The following TRPS1 variants were observed in gnomAD, a reference collection of about 807,000 sequenced individuals.
TRPS1 encodes the protein zinc finger transcription factor Trps1.
A neutral mutation model predicts 101.2 loss-of-function variants in TRPS1; 6 were observed. That is an observed-to-expected ratio of 0.06 (90% confidence interval 0.03 to 0.12). The LOEUF is 0.12. TRPS1 is among the 10% of genes least tolerant of loss of function. TRPS1 has a pLI of 1.00. For missense variants in TRPS1, 1,363 were observed against 1,567.0 expected (o/e 0.87, Z 2.20); for synonymous variants, 578 against 589.8 (o/e 0.98, Z 0.29).
rs553752022 is a variant in TRPS1, at chr8:115,626,453, A to AC, written c.-121-2696dup. Among the ~76,000 whole-genome samples the AC allele has an allele frequency of 3.7e-3, 568 of 151,958 alleles. 3 individuals carry two copies. Among genetic ancestry groups the AC allele is most frequent in the Non-Finnish European group, 5.7e-3 (387 of 67,754 alleles). ...CTATTTCTTCAGATTCCAAGGCAAT[A>AC]CTTCAATGGTAGATCGCTTTTTTTA... is the stretch of plus-strand genomic sequence containing the variant. On this transcript the variant is annotated intron_variant, in intron 1 of 6. Coordinates refer to ENST00000395715, the MANE Select transcript of TRPS1 (RefSeq NM_014112.5).
rs77161795 is a variant in TRPS1, at chr8:115,436,801, A to C, written c.2701-18349T>G. Reference sequence around the variant, plus strand: ...TCCCAGTTTGAGTAACAAGAATGTAAGGCACACAATTTGGCTTTGAATCTA... The same window carrying C: ...TCCCAGTTTGAGTAACAAGAATGTACGGCACACAATTTGGCTTTGAATCTA... On this transcript the variant is annotated intron_variant, in intron 5 of 6. Transcript: ENST00000395715. 5.1e-4 allele frequency among the ~76,000 whole-genome samples: 77 copies of C among 152,318 alleles called. 1 individual carries two copies. The East Asian group carries it at 0.012, about 24-fold the overall frequency.
At chr8:115,526,140 T>A (rs1223467710) in intron 5 of TRPS1, among the ~76,000 whole-genome samples, 3 of 151,848 alleles carry the variant, frequency 2.0e-5, no homozygotes, top group Non-Finnish European at 2.9e-5. Context: ...GAAACCCCAT[T>A]TCTACTAAAA....
chr8:115,568,010 C>T (rs1817110144), intron 5 of TRPS1, among the ~76,000 whole-genome samples: 1 of 152,082 alleles, frequency 6.6e-6, no homozygotes, highest in Admixed American at 6.6e-5. Flanking sequence ...CTTTTCTATA[C>T]CTTAGTGCCA....
intron 5 of TRPS1, among the ~76,000 whole-genome samples, chr8:115,554,943 A>G (rs1003053061): frequency 2.0e-5 from 3 of 152,092 alleles, no homozygotes; most frequent in Admixed American, 2.0e-4. Context: ...TTTGACAATG[A>G]GCATGAATGG....
At position 115,489,844 on chromosome 8, in the gene TRPS1, C is replaced by T. The variant is rs547640925; in HGVS notation, c.2701-71392G>A. ...TAAATAATATCTTACCATTTTTAAA[C>T]GGTAAAATTGCAATATTCAAATATG... is the stretch of plus-strand genomic sequence containing the variant. On this transcript the variant is annotated intron_variant, in intron 5 of 6. Transcript: ENST00000395715. Among the ~76,000 whole-genome samples the T allele has an allele frequency of 6.6e-5, 10 of 152,026 alleles. No homozygotes were observed. In the East Asian group the frequency reaches 9.6e-4, roughly 15 times the overall value.
chr8:115,647,931 A>G (rs1811457028), intron 1 of TRPS1, among the ~76,000 whole-genome samples: 1 of 151,802 alleles, frequency 6.6e-6, no homozygotes, highest in African/African-American at 2.4e-5. Flanking sequence ...TGACTTTTTG[A>G]TAGCCAGAGA....
intron 5 of TRPS1, among the ~76,000 whole-genome samples, chr8:115,563,292 C>T (rs1816991277): frequency 6.6e-6 from 1 of 152,032 alleles, no homozygotes; most frequent in Middle Eastern, 3.4e-3. Flanking sequence ...TCTTATTCAC[C>T]ACTTAGGGCA....
At chr8:115,623,826 C>T in intron 1 of TRPS1, 68 bp from the exon 2 acceptor site, 13 of 1,347,902 alleles carry the variant, frequency 9.6e-6, no homozygotes, top group Non-Finnish European at 1.3e-5. Flanking sequence ...TGTATCACAC[C>T]TAAAATATAT....
intron 5 of TRPS1, among the ~76,000 whole-genome samples, chr8:115,427,264 G>A (rs1298623441): frequency 6.6e-6 from 1 of 152,056 alleles, no homozygotes; most frequent in African/African-American, 2.4e-5. Context: ...GCAACAGAGC[G>A]AGACACTGTC....
intron 1 of TRPS1, among the ~76,000 whole-genome samples, chr8:115,631,107 C>T (rs551627475): frequency 1.1e-4 from 17 of 152,106 alleles, no homozygotes; most frequent in Admixed American, 1.3e-4. Context: ...TACCAAACTA[C>T]ATGCCTCTAA....
intron 5 of TRPS1, among the ~76,000 whole-genome samples, chr8:115,535,395 C>T (rs1480342106): frequency 1.4e-5 from 2 of 144,698 alleles, no homozygotes; most frequent in South Asian, 2.2e-4. Context: ...ACATATATAG[C>T]GCATATATAT....
At chr8:115,470,765 G>T (rs1036534379) in intron 5 of TRPS1, among the ~76,000 whole-genome samples, 1 of 152,098 alleles carries the variant, frequency 6.6e-6, no homozygotes, top group African/African-American at 2.4e-5. Flanking sequence ...ACATATCAAT[G>T]ATTCATATTC....
intron 1 of TRPS1, among the ~76,000 whole-genome samples, chr8:115,627,558 G>A (rs1454046258): frequency 6.6e-6 from 1 of 151,744 alleles, no homozygotes; most frequent in East Asian, 1.9e-4. Flanking sequence ...GTTATGATGT[G>A]AATTGACATT....
At chr8:115,645,462 G>T (rs1460790455) in intron 1 of TRPS1, among the ~76,000 whole-genome samples, 1 of 152,100 alleles carries the variant, frequency 6.6e-6, no homozygotes, top group Non-Finnish European at 1.5e-5. Context: ...AAAATATCCA[G>T]TGAGAACCAC....
intron 5 of TRPS1, among the ~76,000 whole-genome samples, chr8:115,586,046 G>A (rs186266816): frequency 1.3e-5 from 2 of 152,266 alleles, no homozygotes; most frequent in East Asian, 3.9e-4. Flanking sequence ...TCTATGACCC[G>A]CAGGTCAAAG....
intron 5 of TRPS1, chr8:115,515,429 G>T: frequency 3.5e-6 from 2 of 567,680 alleles, no homozygotes; most frequent in South Asian, 4.6e-5. Flanking sequence ...TTTTTCCTAT[G>T]ATTTTAAATG....
At chr8:115,560,650 T>C (rs1217722125) in intron 5 of TRPS1, among the ~76,000 whole-genome samples, 4 of 152,132 alleles carry the variant, frequency 2.6e-5, no homozygotes, top group African/African-American at 7.2e-5. Flanking sequence ...TTTACTTTTA[T>C]CAACTCTGGG....
rs1813489877 is a variant in TRPS1, at chr8:115,437,657, AG to A, written c.2701-19206del. ...AGGCTGAATGTCTACACGAACAAGA[AG>A]GAAGTTTTTGCCATCTTTTATATGA... On this transcript the variant is annotated intron_variant, in intron 5 of 6. Coordinates refer to ENST00000395715, the MANE Select transcript of TRPS1 (RefSeq NM_014112.5). Among the ~76,000 whole-genome samples the A allele has an allele frequency of 3.3e-5, 5 of 152,364 alleles. No individual in the cohort carries two copies. In the South Asian group the frequency reaches 1.0e-3, roughly 32 times the overall value.
At chr8:115,655,498 C>T (rs1225004721) in intron 1 of TRPS1, among the ~76,000 whole-genome samples, 3 of 152,152 alleles carry the variant, frequency 2.0e-5, no homozygotes, top group Non-Finnish European at 4.4e-5. Context: ...ATTTACCCTA[C>T]ATCTGATTCC....
Sources: gnomAD v4.1 joint callset for allele counts (sites outside exome capture counted in the v4.1 genomes callset) on GRCh38, gnomAD v4.1.1 for gene constraint, MANE v1.5 for transcripts, NCBI Gene and HGNC (gene_info 2026-07-23, HGNC 2026-07-21) for gene names.